Variants in MYOF observed in about 807,000 individuals in gnomAD.
MYOF encodes the protein fer-1-like 3, myoferlin.
Under a neutral mutation model 284.2 loss-of-function variants are expected in MYOF, and 244 were observed. The observed-to-expected ratio is 0.86, with a 90% CI of 0.77 to 0.95. MYOF has a LOEUF of 0.95. MYOF is among the 40% of genes least tolerant of loss of function. MYOF has a pLI of 0.00. For missense variants in MYOF, 2,496 were observed against 2,560.6 expected, an observed-to-expected ratio of 0.97 and a Z score of 0.54; for synonymous variants, 904 against 919.7, an observed-to-expected ratio of 0.98 and a Z score of 0.31.
chr10:93,434,379 C>G (rs377431996), intron 3 of MYOF, among the ~76,000 whole-genome samples: 1 of 147,354 alleles, frequency 6.8e-6, no homozygotes, highest in East Asian at 2.1e-4. Context: ...TGCAGTGAGC[C>G]AAGATCAGGC....
At chr10:93,377,814 G>C (rs1845905758) in intron 21 of MYOF, among the ~76,000 whole-genome samples, 1 of 152,052 alleles carries the variant, frequency 6.6e-6, no homozygotes, top group Admixed American at 6.5e-5. Context: ...AATATATTGA[G>C]GATAACAAAG....
intron 44 of MYOF, among the ~76,000 whole-genome samples, chr10:93,329,282 A>G (rs781737205): frequency 4.6e-5 from 7 of 152,158 alleles, no homozygotes; most frequent in Non-Finnish European, 8.8e-5. Context: ...GGGAGTCACA[A>G]AATTAAGTAG....
At chr10:93,478,275 C>T (rs1279726997) in intron 1 of MYOF, 3 of 260,038 alleles carry the variant, frequency 1.2e-5, no homozygotes, top group African/African-American at 7.0e-5. Context: ...CTAGATTCAG[C>T]TTCACAGCCT....
chr10:93,335,043 G>C (rs1253943298), intron 41 of MYOF, among the ~76,000 whole-genome samples: 2 of 152,222 alleles, frequency 1.3e-5, no homozygotes, highest in Non-Finnish European at 2.9e-5. Context: ...ATGCTTTCAT[G>C]GAGGCATGAA....
chr10:93,435,282 A>T (rs536073229), intron 3 of MYOF, among the ~76,000 whole-genome samples: 1 of 152,350 alleles, frequency 6.6e-6, no homozygotes, highest in Non-Finnish European at 1.5e-5. Flanking sequence ...ACAATGCTGA[A>T]GTAGAAAGAG....
At chr10:93,369,530 A>G in intron 25 of MYOF, 115 bp downstream of exon 25, 1 of 1,425,392 alleles carries the variant, frequency 7.0e-7, no homozygotes, top group South Asian at 1.4e-5. Context: ...ATTTTAGGGG[A>G]TGGTAAGGAG....
chr10:93,416,244 C>T (rs753544719), intron 5 of MYOF, among the ~76,000 whole-genome samples: 8 of 152,212 alleles, frequency 5.3e-5, no homozygotes, highest in Non-Finnish European at 1.0e-4. Context: ...CTCGGCCGGG[C>T]GTCGTGGCTC....
intron 10 of MYOF, 90 bp downstream of exon 10, chr10:93,402,770 C>A: frequency 9.5e-7 from 1 of 1,054,868 alleles, no homozygotes; most frequent in Non-Finnish European, 1.3e-6. Flanking sequence ...TTCTTTGATC[C>A]CCCCCAAATT....
chr10:93,429,862 T>C (rs552364744), intron 4 of MYOF, among the ~76,000 whole-genome samples: 2 of 152,344 alleles, frequency 1.3e-5, no homozygotes, highest in Non-Finnish European at 2.9e-5. Flanking sequence ...TGAGTCATTT[T>C]TTTTTAAAGC....
chr10:93,454,675 G>A (rs143803650), intron 2 of MYOF, among the ~76,000 whole-genome samples: 21 of 152,154 alleles, frequency 1.4e-4, no homozygotes, highest in African/African-American at 3.1e-4. Context: ...CCTGCTGGGC[G>A]TTTCAGAAAG....
Position 93,354,509 on chromosome 10 carries a change from G to C in MYOF, c.3404-621C>G, listed in dbSNP as rs1844691258. 2.6e-5 allele frequency among the ~76,000 whole-genome samples: 4 copies of C among 152,278 alleles called. No individual in the cohort carries two copies. The South Asian group carries it at 8.3e-4, about 32-fold the overall frequency. ...GCTTATCATCACAGACCTTTAAAAT[G>C]AAACTGGGTCTCCAGCAGCTATAGA... is the stretch of plus-strand genomic sequence containing the variant. On this transcript the variant is annotated intron_variant, in intron 31 of 53. Coordinates refer to ENST00000359263, the MANE Select transcript of MYOF (RefSeq NM_013451.4).
chr10:93,426,955 C>T (rs577684296), intron 4 of MYOF, among the ~76,000 whole-genome samples: 3 of 139,694 alleles, frequency 2.1e-5, no homozygotes, highest in East Asian at 2.1e-4. Context: ...GGCGCAATCT[C>T]GGCTCACTGC....
At position 93,319,973 on chromosome 10, in the gene MYOF, C is replaced by T. The variant is rs1842782729; in HGVS notation, c.5497G>A (p.Val1833Ile). The change falls in exon 49 of 54, where the codon GTC becomes ATC. Residue 1833 changes from valine (V) to isoleucine (I), a missense_variant. Physicochemically the swap from Val to Ile is conservative, Grantham distance 29. Coordinates refer to ENST00000359263, the MANE Select transcript of MYOF (RefSeq NM_013451.4). ...TCACCATCCAAAGATCTGTAATGGA[C>T]ATCTGTTTTCTGTTTGTTTTCTTCA... ...GNEENKQKTDVHYRSLDGEGN... is the reference protein window; with the variant it reads ...GNEENKQKTDIHYRSLDGEGN... 1 of 1,614,062 alleles carries T rather than the reference C, an allele frequency of 6.2e-7. No homozygotes were observed. Among genetic ancestry groups the T allele is most frequent in the African/African-American group, 1.3e-5 (1 of 74,924 alleles).
chr10:93,344,557 A>ATC (rs1206030845), intron 37 of MYOF, among the ~76,000 whole-genome samples: 2 of 152,084 alleles, frequency 1.3e-5, no homozygotes, highest in Non-Finnish European at 2.9e-5. Context: ...GAAACAGAAA[A>ATC]TAAAGAAGAG....
intron 39 of MYOF, chr10:93,338,324 G>A (rs1037407224): frequency 6.6e-6 from 3 of 457,714 alleles, no homozygotes; most frequent in Non-Finnish European, 1.3e-5. Flanking sequence ...GTAATGCCTT[G>A]TAATACAATA....
Position 93,388,784 on chromosome 10 carries a change from G to A in MYOF, c.1581+246C>T, listed in dbSNP as rs142502833. ...GAAAAGAATTCCAAGGCAGCCCAGG[G>A]GCTTATTAGGAAAGAGAGCCAGCAT... On this transcript the variant is annotated intron_variant, in intron 18 of 53. Coordinates refer to ENST00000359263, the MANE Select transcript of MYOF (RefSeq NM_013451.4). Among the ~76,000 whole-genome samples, 317 of 152,310 alleles carry A rather than the reference G, an allele frequency of 2.1e-3. 1 individual carries two copies. The highest frequency in any genetic ancestry group is 3.3e-3 in the Non-Finnish European group (226 of 68,026).
chr10:93,322,232 T>C (rs1273302427), intron 48 of MYOF, among the ~76,000 whole-genome samples: 14 of 152,208 alleles, frequency 9.2e-5, no homozygotes, highest in Admixed American at 1.3e-4. Context: ...TTTATGAATA[T>C]ATTAAATGTC....
intron 3 of MYOF, among the ~76,000 whole-genome samples, chr10:93,449,578 T>C (rs2056532878): frequency 6.6e-6 from 1 of 152,162 alleles, no homozygotes; most frequent in African/African-American, 2.4e-5. Flanking sequence ...GCAGCTGAGA[T>C]ATGCGACAGA....
At chr10:93,350,492 T>C (rs1436352938) in intron 35 of MYOF, among the ~76,000 whole-genome samples, 1 of 152,134 alleles carries the variant, frequency 6.6e-6, no homozygotes. Flanking sequence ...TTTGTATTTT[T>C]AGTAGAGGCA....
Sources: gnomAD v4.1 joint callset for allele counts (sites outside exome capture counted in the v4.1 genomes callset) on GRCh38, gnomAD v4.1.1 for gene constraint, MANE v1.5 for transcripts, NCBI Gene and HGNC (gene_info 2026-07-23, HGNC 2026-07-21) for gene names.